Variants in PLA2G7 observed in about 807,000 individuals in gnomAD.
PLA2G7 encodes the protein platelet-activating factor acetylhydrolase.
PLA2G7 carries 63 observed loss-of-function variants against 49.6 expected under a neutral mutation model. The observed-to-expected ratio is 1.27, with a 90% CI of 1.04 to 1.57. The LOEUF (loss-of-function observed/expected upper bound fraction) is 1.57. Ranked by LOEUF, PLA2G7 falls within the 40% of genes most tolerant of loss-of-function variation. The pLI, the probability that PLA2G7 is intolerant of heterozygous loss-of-function variation, is 0.00. For missense variants in PLA2G7, 596 were observed against 521.2 expected (o/e 1.14, Z -1.40); for synonymous variants, 193 against 169.9 (o/e 1.14, Z -1.06).
At chr6:46,707,840 T>C (rs1764878102) in intron 10 of PLA2G7, 151 bp downstream of exon 10, 2 of 599,062 alleles carry the variant, frequency 3.3e-6, no homozygotes, top group South Asian at 2.0e-5. Context: ...AGACTAAATG[T>C]ACTTAGAAAC....
chr6:46,708,662 C>T (rs1373183854), intron 9 of PLA2G7, among the ~76,000 whole-genome samples: 2 of 152,144 alleles, frequency 1.3e-5, no homozygotes, highest in Non-Finnish European at 2.9e-5. Flanking sequence ...GAAGATGAAA[C>T]TAACTTCCTT....
chr6:46,704,308 G>A lies in PLA2G7; in HGVS notation c.*252C>T. 2.6e-6 allele frequency: 1 copy of A among 382,440 alleles called. No individual in the cohort carries two copies. Among genetic ancestry groups the A allele is most frequent in the East Asian group, 4.4e-5 (1 of 22,514 alleles). The allele number at this position is 382,440 out of a possible 1,614,324, so 23.7% of individuals were successfully genotyped here. On this transcript the variant is annotated 3_prime_UTR_variant, in exon 12 of 12. Coordinates refer to ENST00000274793, the MANE Select transcript of PLA2G7 (RefSeq NM_005084.4). ...GAATCATCTTTAAAATTAAAATTTA[G>A]GCTGATATGAATATTGTATACTGTA...
intron 4 of PLA2G7, among the ~76,000 whole-genome samples, 183 bp from the exon 5 acceptor site, chr6:46,714,736 GTTTT>G (rs34589690): frequency 1.6e-5 from 2 of 128,732 alleles, no homozygotes; most frequent in Admixed American, 8.0e-5. Flanking sequence ...TGAACTGTAA[GTTTT>G]TTTTTTTTTT....
intron 10 of PLA2G7, among the ~76,000 whole-genome samples, chr6:46,706,211 T>C (rs1764820912): frequency 6.6e-6 from 1 of 152,248 alleles, no homozygotes; most frequent in Non-Finnish European, 1.5e-5. Context: ...TGCCCAAAGC[T>C]GCTCTGCCTC....
At position 46,705,351 on chromosome 6, in the gene PLA2G7, A is replaced by C. The variant is rs200272568; in HGVS notation, c.1041-50T>G. ...AGTCACATTGTTTGATAAAATTATTATTTTTTTAGTTAGAGTGTAAGAAAG... is the reference window on the plus strand; with the variant it reads ...AGTCACATTGTTTGATAAAATTATTCTTTTTTTAGTTAGAGTGTAAGAAAG... On this transcript the variant is annotated intron_variant, in intron 10 of 11. Coordinates refer to ENST00000274793, the MANE Select transcript of PLA2G7 (RefSeq NM_005084.4). 1.0e-5 allele frequency: 15 copies of C among 1,490,596 alleles called. No homozygotes were observed. In the African/African-American group the frequency reaches 1.8e-4, roughly 18 times the overall value. The allele number at this position is 1,490,596 out of a possible 1,614,324, so 92.3% of individuals were successfully genotyped here.
At chr6:46,735,511 G>C (rs1343365342), upstream of PLA2G7, 1 of 152,398 alleles carries the variant, frequency 6.6e-6, no homozygotes, top group Non-Finnish European at 1.5e-5. Flanking sequence ...TAGCCTGCTC[G>C]AGCGCACCCA....
At chr6:46,726,500 T>C (rs1765578364) in intron 1 of PLA2G7, among the ~76,000 whole-genome samples, 1 of 152,178 alleles carries the variant, frequency 6.6e-6, no homozygotes, top group South Asian at 2.1e-4. Flanking sequence ...ACTAGGACCC[T>C]GAAAAACTTA....
chr6:46,723,194 C>T (rs1318507921), intron 1 of PLA2G7, among the ~76,000 whole-genome samples: 2 of 152,130 alleles, frequency 1.3e-5, no homozygotes, highest in African/African-American at 4.8e-5. Flanking sequence ...CACTAGTTTT[C>T]TAACTTTATA....
In PLA2G7 at chr6:46,704,606, T is replaced by C; in HGVS notation, c.1280A>G (p.Gln427Arg). Residue 427 changes from glutamine to arginine, a missense_variant, in exon 12 of 12, where the codon CAA (glutamine) becomes CGA (arginine). By Grantham distance (43) the Gln-to-Arg change is conservative. Transcript: ENST00000274793. ...IPGTNINTTN[Q>R]HIMLQNSSGI... ...TGAAGAGTTCTGTAACATGATGTGT[T>C]GATTGGTTGTGTTAATGTTGGTCCC... The C allele has an allele frequency of 6.3e-7, 1 of 1,591,394 alleles. No individual in the cohort carries two copies. The highest frequency in any genetic ancestry group is 8.6e-7 in the Non-Finnish European group (1 of 1,159,356).
intron 10 of PLA2G7, among the ~76,000 whole-genome samples, chr6:46,706,458 G>A (rs1309046576): frequency 6.6e-6 from 1 of 152,214 alleles, no homozygotes; most frequent in African/African-American, 2.4e-5. Context: ...AATGACAGGA[G>A]AAGCAGCAAA....
Position 46,727,223 on chromosome 6 carries a change from C to T in PLA2G7, c.-34-4298G>A, listed in dbSNP as rs528451790. 7.9e-5 allele frequency among the ~76,000 whole-genome samples: 12 copies of T among 152,262 alleles called. No homozygotes were observed. In the South Asian group the frequency reaches 1.5e-3, roughly 18 times the overall value. On this transcript the variant is annotated intron_variant, in intron 1 of 11. Coordinates refer to ENST00000274793, the MANE Select transcript of PLA2G7 (RefSeq NM_005084.4). ...ACACAACCATAACTGCCACAAATCCCGATTTCCCCTATTTGTCACTGTTAA... is the reference window on the plus strand; with the variant it reads ...ACACAACCATAACTGCCACAAATCCTGATTTCCCCTATTTGTCACTGTTAA...
chr6:46,713,948 G>T (rs1264447048), intron 5 of PLA2G7, among the ~76,000 whole-genome samples: 2 of 152,028 alleles, frequency 1.3e-5, no homozygotes, highest in Non-Finnish European at 2.9e-5. Flanking sequence ...CCTTCCATTG[G>T]CCTGGCTCAA....
chr6:46,707,468 T>C (rs1004022393), intron 10 of PLA2G7, among the ~76,000 whole-genome samples: 2 of 152,198 alleles, frequency 1.3e-5, no homozygotes, highest in African/African-American at 4.8e-5. Context: ...GGGAGCAGTT[T>C]CTCATGGTTT....
At chr6:46,720,201 C>T (rs1350468410) in intron 2 of PLA2G7, among the ~76,000 whole-genome samples, 1 of 152,222 alleles carries the variant, frequency 6.6e-6, no homozygotes, top group African/African-American at 2.4e-5. Context: ...AGCCCCAGGG[C>T]CACAGCTGCT....
chr6:46,715,846 G>GA (rs1299415552), intron 4 of PLA2G7, among the ~76,000 whole-genome samples: 1 of 152,182 alleles, frequency 6.6e-6, no homozygotes, highest in Non-Finnish European at 1.5e-5. Flanking sequence ...GATAAGGAAG[G>GA]AAAAGTCTAT....
At chr6:46,717,488 T>C (rs768983315) in intron 2 of PLA2G7, among the ~76,000 whole-genome samples, 6 of 152,092 alleles carry the variant, frequency 3.9e-5, no homozygotes, top group African/African-American at 1.4e-4. Flanking sequence ...CTCTACCTGA[T>C]GTCCTTCCCA....
rs778974414 is a variant in PLA2G7 at position 46,709,367 on chromosome 6, C to T, written c.829G>A (p.Ala277Thr). Reference sequence around the variant, plus strand: ...TCACTAAGAGTCTGAATAACCGTTGCTCCACCAAAAGAATGTCCAATTACT... The same window carrying T: ...TCACTAAGAGTCTGAATAACCGTTGTTCCACCAAAAGAATGTCCAATTACT... Reference protein sequence around the residue: ...IAVIGHSFGGATVIQTLSEDQ... With the variant: ...IAVIGHSFGGTTVIQTLSEDQ... The change falls in exon 9 of 12, where the codon GCA (alanine) becomes ACA (threonine). Residue 277 changes from alanine (A) to threonine (T), a missense_variant. Transcript: ENST00000274793. The T allele has an allele frequency of 5.0e-6, 8 of 1,608,206 alleles. No homozygotes were observed. Among genetic ancestry groups the T allele is most frequent in the South Asian group, 1.1e-5 (1 of 90,934 alleles).
At chr6:46,725,991 G>A (rs898116767) in intron 1 of PLA2G7, among the ~76,000 whole-genome samples, 1 of 152,218 alleles carries the variant, frequency 6.6e-6, no homozygotes, top group Non-Finnish European at 1.5e-5. Flanking sequence ...GTTCAACAAA[G>A]TATGAACAGC....
At chr6:46,721,218 T>A (rs1314750318) in intron 2 of PLA2G7, among the ~76,000 whole-genome samples, 3 of 148,092 alleles carry the variant, frequency 2.0e-5, no homozygotes, top group South Asian at 2.1e-4. Flanking sequence ...TTTTATGTAT[T>A]TTTTTTTTTA....
Sources: gnomAD v4.1 joint callset for allele counts (sites outside exome capture counted in the v4.1 genomes callset) on GRCh38, gnomAD v4.1.1 for gene constraint, MANE v1.5 for transcripts, NCBI Gene and HGNC (gene_info 2026-07-23, HGNC 2026-07-21) for gene names.